The following CNIH3 variants were observed in gnomAD, a reference collection of about 807,000 sequenced individuals.
CNIH3 encodes cornichon family AMPA receptor auxiliary protein 3, also known as protein cornichon homolog 3.
In CNIH3, 14 loss-of-function variants were observed where a neutral mutation model predicts 24.1. The observed-to-expected ratio is 0.58, with a 90% confidence interval of 0.38 to 0.91. The LOEUF (loss-of-function observed/expected upper bound fraction) is 0.91. Among genes scored for constraint, CNIH3 ranks in the 40% least tolerant of loss-of-function variants. CNIH3 has a pLI of 0.00. For synonymous variants in CNIH3, 68 were observed against 73.8 expected (o/e 0.92, Z 0.40); for missense variants, 178 against 196.8 (o/e 0.90, Z 0.57).
At chr1:224,567,021 C>T (rs1680609591) in intron 4 of CNIH3, among the ~76,000 whole-genome samples, 1 of 152,226 alleles carries the variant, frequency 6.6e-6, no homozygotes, top group Admixed American at 6.5e-5. Context: ...ACATCCTCTC[C>T]AGCATCAGTT....
intron 1 of CNIH3, among the ~76,000 whole-genome samples, chr1:224,504,188 T>G (rs1490227538): frequency 1.3e-5 from 2 of 152,200 alleles, no homozygotes; most frequent in Non-Finnish European, 2.9e-5. Context: ...TTAGCTGACC[T>G]TGGTCTCTGT....
intron 1 of CNIH3, among the ~76,000 whole-genome samples, chr1:224,496,054 A>C (rs1182903167): frequency 6.6e-6 from 1 of 152,154 alleles, no homozygotes; most frequent in Admixed American, 6.5e-5. Flanking sequence ...TCAAGATCTC[A>C]TGTAGTGGCA....
At chr1:224,516,303 ACT>A (rs1207417592) in intron 1 of CNIH3, among the ~76,000 whole-genome samples, 1 of 127,936 alleles carries the variant, frequency 7.8e-6, no homozygotes, top group Non-Finnish European at 1.6e-5. Context: ...ACAAACCGAG[ACT>A]CTGTCTCAAA....
chr1:224,457,911 T>C (rs537419150), intron 1 of CNIH3, among the ~76,000 whole-genome samples: 1 of 152,340 alleles, frequency 6.6e-6, no homozygotes, highest in Admixed American at 6.5e-5. Flanking sequence ...CTGAAAGGTA[T>C]ACCAGAAGCT....
At chr1:224,495,096 C>T (rs1382655713) in intron 1 of CNIH3, among the ~76,000 whole-genome samples, 1 of 152,154 alleles carries the variant, frequency 6.6e-6, no homozygotes, top group Non-Finnish European at 1.5e-5. Flanking sequence ...ATCAGAACTG[C>T]CCCATAGTGA....
At chr1:224,600,566 C>G (rs1331308893) in intron 3 of CNIH3, among the ~76,000 whole-genome samples, 1 of 152,130 alleles carries the variant, frequency 6.6e-6, no homozygotes, top group Non-Finnish European at 1.5e-5. Flanking sequence ...TGGCTATTCA[C>G]AGGCACAATC....
In CNIH3 at chr1:224,603,192, A is replaced by G. The variant is rs1682278855; in HGVS notation, n.402+36928A>G. ...TATTTGTCTTTGCATTCAGTAAATC[A>G]ACACTTTACATGAGATGAACATAGA... is the stretch of plus-strand genomic sequence containing the variant. On this transcript the variant is annotated intron_variant and non_coding_transcript_variant, in intron 3 of 7. Coordinates refer to the CNIH3 transcript ENST00000478120. Among the ~76,000 whole-genome samples the G allele has an allele frequency of 2.0e-5, 3 of 152,234 alleles. No homozygotes were observed. The South Asian group carries it at 6.2e-4, about 31-fold the overall frequency.
At chr1:224,487,964 T>G (rs1228265712) in intron 1 of CNIH3, among the ~76,000 whole-genome samples, 1 of 152,186 alleles carries the variant, frequency 6.6e-6, no homozygotes, top group Non-Finnish European at 1.5e-5. Context: ...TTGAAAACCC[T>G]ATTCTTTCAT....
At chr1:224,714,855 G>A (rs775998629) in intron 3 of CNIH3, among the ~76,000 whole-genome samples, 1 of 152,170 alleles carries the variant, frequency 6.6e-6, no homozygotes, top group Admixed American at 6.5e-5. Context: ...CTTATAAATG[G>A]TTGTTTGCAT....
In CNIH3 at chr1:224,739,371, A is replaced by G. The variant is rs1689760846; in HGVS notation, c.*15A>G. 1 of 1,587,560 alleles carries G rather than the reference A, an allele frequency of 6.3e-7. No individual in the cohort carries two copies. The highest frequency in any genetic ancestry group is 1.5e-5 in the African/African-American group (1 of 68,628). ...TGAGCTCTTAACGCAAAGACCATGC[A>G]CATCATCAGAGACTGAGATGGGAGA... On this transcript the variant is annotated 3_prime_UTR_variant, in exon 6 of 6. Transcript: ENST00000272133.
chr1:224,445,731 C>T (rs1675134281), intron 1 of CNIH3, among the ~76,000 whole-genome samples: 1 of 152,022 alleles, frequency 6.6e-6, no homozygotes, highest in South Asian at 2.1e-4. Context: ...TTAATGTTGT[C>T]TTGATGAACA....
intron 3 of CNIH3, among the ~76,000 whole-genome samples, chr1:224,597,898 A>G (rs374713644): frequency 3.3e-4 from 50 of 152,330 alleles, no homozygotes; most frequent in African/African-American, 1.2e-3. Context: ...GCGGGGACTC[A>G]GCCCTCAACC....
intron 3 of CNIH3, among the ~76,000 whole-genome samples, chr1:224,699,799 T>A (rs1227300310): frequency 1.3e-5 from 2 of 152,148 alleles, no homozygotes; most frequent in Non-Finnish European, 1.5e-5. Flanking sequence ...CCCCTACCTG[T>A]CCCACTTGTC....
rs532233024 is a variant in CNIH3, at chr1:224,473,676, G to A, written n.203+38814G>A. On this transcript the variant is annotated intron_variant and non_coding_transcript_variant, in intron 1 of 5. Coordinates refer to the CNIH3 transcript ENST00000471578. Reference sequence around the variant, plus strand: ...GGAAATATTACTAGAGCTAAAGAGAGAGAGAGAGAGACAACAATAGCTGGA... The same window carrying A: ...GGAAATATTACTAGAGCTAAAGAGAAAGAGAGAGAGACAACAATAGCTGGA... 2.0e-5 allele frequency among the ~76,000 whole-genome samples: 3 copies of A among 152,300 alleles called. No individual in the cohort carries two copies. The East Asian group carries it at 5.8e-4, about 29-fold the overall frequency.
intron 3 of CNIH3, among the ~76,000 whole-genome samples, chr1:224,605,419 T>TA (rs1682377760): frequency 1.3e-5 from 2 of 152,340 alleles, no homozygotes; most frequent in South Asian, 4.1e-4. Flanking sequence ...TGGGCCAAGC[T>TA]AACTTTGGGA....
chr1:224,656,862 A>G (rs1685121926), intron 1 of CNIH3, among the ~76,000 whole-genome samples: 1 of 152,104 alleles, frequency 6.6e-6, no homozygotes, highest in South Asian at 2.1e-4. Flanking sequence ...TAGAGTTAGG[A>G]GTTGGAGAAA....
At chr1:224,467,192 A>AT (rs1459508845) in intron 1 of CNIH3, among the ~76,000 whole-genome samples, 2 of 152,004 alleles carry the variant, frequency 1.3e-5, no homozygotes, top group African/African-American at 4.8e-5. Flanking sequence ...TACCCAGCTA[A>AT]TTTTTTCTGT....
chr1:224,567,495 C>A (rs1680628118), intron 4 of CNIH3, among the ~76,000 whole-genome samples: 1 of 152,196 alleles, frequency 6.6e-6, no homozygotes, highest in African/African-American at 2.4e-5. Context: ...ACCCCAAGAG[C>A]AGGCAGTGAG....
intron 3 of CNIH3, among the ~76,000 whole-genome samples, chr1:224,689,306 G>C (rs993150015): frequency 6.6e-6 from 1 of 152,170 alleles, no homozygotes; most frequent in Non-Finnish European, 1.5e-5. Context: ...TGGCTCATAA[G>C]TGTGCAATGC....
Sources: allele counts gnomAD v4.1 joint callset (sites outside exome capture counted in the v4.1 genomes callset), GRCh38; gene constraint gnomAD v4.1.1; transcripts MANE v1.5; gene names NCBI Gene and HGNC (gene_info 2026-07-23, HGNC 2026-07-21).